Variants in KLHL18 observed in about 807,000 individuals in gnomAD.
The protein encoded by KLHL18 is kelch-like protein 18.
A neutral mutation model predicts 58.5 loss-of-function variants in KLHL18; 38 were observed. The ratio of observed to expected loss-of-function variants is 0.65; its 90% CI spans 0.50 to 0.85. The LOEUF (loss-of-function observed/expected upper bound fraction) is 0.85. Ranked by LOEUF, KLHL18 falls within the 40% of genes least tolerant of loss-of-function variation. The probability of loss-of-function intolerance (pLI) is 0.00; values close to 1 mark genes in which losing one functional copy is unlikely to be tolerated. For synonymous variants in KLHL18, 303 were observed against 301.9 expected, an observed-to-expected ratio of 1.00 and a Z score of -0.04; for missense variants, 624 against 778.4, an observed-to-expected ratio of 0.80 and a Z score of 2.36.
At chr3:47,293,310 A>T (rs958587390) in intron 1 of KLHL18, among the ~76,000 whole-genome samples, 15 of 152,228 alleles carry the variant, frequency 9.9e-5, no homozygotes, top group African/African-American at 3.4e-4. Context: ...TCAAAAGATA[A>T]TTAGCTCAAG....
At chr3:47,294,387 A>G (rs1055510806) in intron 1 of KLHL18, among the ~76,000 whole-genome samples, 1 of 152,198 alleles carries the variant, frequency 6.6e-6, no homozygotes, top group African/African-American at 2.4e-5. Context: ...GTGGAGTAGC[A>G]GACAATAAAC....
rs773944464 is a variant in KLHL18 at position 47,343,990 on chromosome 3, G to A, written c.*49G>A. On this transcript the variant is annotated 3_prime_UTR_variant, in exon 10 of 10. Coordinates refer to ENST00000232766, the MANE Select transcript of KLHL18 (RefSeq NM_025010.5). Reference sequence around the variant, plus strand: ...GCAGGGATCTGGTACAGACATAGGCGCTTCCTTCCAGGAACAGTCCCTCAG... The same window carrying A: ...GCAGGGATCTGGTACAGACATAGGCACTTCCTTCCAGGAACAGTCCCTCAG... 7.0e-5 allele frequency: 111 copies of A among 1,588,176 alleles called. No homozygotes were observed. The highest frequency in any genetic ancestry group is 5.8e-4 in the South Asian group (52 of 89,444).
At chr3:47,294,762 G>A (rs1702860610) in intron 1 of KLHL18, among the ~76,000 whole-genome samples, 1 of 152,184 alleles carries the variant, frequency 6.6e-6, no homozygotes, top group Admixed American at 6.5e-5. Flanking sequence ...TCAGGGCAGG[G>A]TGTTAGAGGT....
intron 2 of KLHL18, among the ~76,000 whole-genome samples, chr3:47,320,854 C>T (rs1290364488): frequency 1.6e-4 from 24 of 152,062 alleles, no homozygotes; most frequent in Admixed American, 1.5e-3. Context: ...TCAAGGCTGC[C>T]GCGAGCTGTG....
chr3:47,310,492 A>G (rs970607792), intron 1 of KLHL18, among the ~76,000 whole-genome samples: 2 of 152,096 alleles, frequency 1.3e-5, no homozygotes, highest in African/African-American at 4.8e-5. Flanking sequence ...CTCTCCCTGA[A>G]TGATCTTTTT....
intron 1 of KLHL18, among the ~76,000 whole-genome samples, chr3:47,302,507 T>C (rs1481103280): frequency 6.6e-6 from 1 of 151,914 alleles, no homozygotes; most frequent in Non-Finnish European, 1.5e-5. Context: ...AAAAGAAACA[T>C]AAGGAAGAGA....
chr3:47,329,923 A>ATTTT (rs758333312), intron 3 of KLHL18, 28 bp from the exon 4 acceptor site: 9 of 1,451,776 alleles, frequency 6.2e-6, no homozygotes, highest in South Asian at 2.4e-5. Context: ...TCTTCCTCTA[A>ATTTT]TTTTTTTTTT....
At position 47,307,108 on chromosome 3, in the gene KLHL18, G is replaced by A. The variant is rs555705200; in HGVS notation, c.130-12545G>A. ...TTTTTTCGAGATGGAGTCTTGCTCCGTCACCCAGGCTGGAGTGCAGTGGCA... is the reference window on the plus strand; with the variant it reads ...TTTTTTCGAGATGGAGTCTTGCTCCATCACCCAGGCTGGAGTGCAGTGGCA... On this transcript the variant is annotated intron_variant, in intron 1 of 9. Transcript: ENST00000232766. Among the ~76,000 whole-genome samples, 34 of 151,738 alleles carry A rather than the reference G, an allele frequency of 2.2e-4. No homozygotes were observed. In the South Asian group the frequency reaches 6.7e-3, roughly 30 times the overall value.
intron 1 of KLHL18, chr3:47,283,383 A>G: frequency 1.1e-5 from 5 of 467,044 alleles, no homozygotes; most frequent in Non-Finnish European, 1.5e-5. Context: ...TCATGCAGAC[A>G]AGAGAAAATG....
At position 47,336,424 on chromosome 3, in the gene KLHL18, G is replaced by A. The variant is rs143193043; in HGVS notation, c.899-111G>A. ...GCCCTTGTGCCTTGAGTAATTCTGT[G>A]GGAAGAGCTAATAGAATTGAGTCGA... On this transcript the variant is annotated intron_variant, in intron 6 of 9. Coordinates refer to ENST00000232766, the MANE Select transcript of KLHL18 (RefSeq NM_025010.5). 1.4e-4 allele frequency: 126 copies of A among 932,862 alleles called. No individual in the cohort carries two copies. In the African/African-American group the frequency reaches 1.8e-3, roughly 13 times the overall value. 57.8% of individuals were successfully genotyped at this position (932,862 alleles called of 1,614,324 possible). A position where few individuals can be genotyped will look rare whatever the true frequency, so the allele number is the denominator to read the frequency against.
chr3:47,325,342 C>G (rs1384960337), intron 3 of KLHL18, among the ~76,000 whole-genome samples: 1 of 152,056 alleles, frequency 6.6e-6, no homozygotes, highest in African/African-American at 2.4e-5. Context: ...GGACTACAGG[C>G]GCCTGCCACC....
intron 1 of KLHL18, among the ~76,000 whole-genome samples, chr3:47,309,094 C>G (rs1307328372): frequency 6.6e-6 from 1 of 152,228 alleles, no homozygotes; most frequent in South Asian, 2.1e-4. Flanking sequence ...GGGGTAAGCT[C>G]ATAGATCAAC....
In KLHL18 at chr3:47,336,682, G is replaced by A. The variant is rs1304695481; in HGVS notation, c.1046G>A (p.Arg349Gln). The A allele has an allele frequency of 1.9e-5, 30 of 1,614,088 alleles. No individual in the cohort carries two copies. The highest frequency in any genetic ancestry group is 3.3e-5 in the South Asian group (3 of 91,090). ...ATCGGAGGATATGACGGCCAGCTAC[G>A]GCTGAGCACTGTGGAGGCCTACAAC... ...YAIGGYDGQL[R>Q]LSTVEAYNPE... The change falls in exon 7 of 10, where the codon CGG becomes CAG. Residue 349 changes from arginine (R) to glutamine (Q), a missense_variant. By Grantham distance (43) the Arg-to-Gln change is conservative. Coordinates refer to ENST00000232766, the MANE Select transcript of KLHL18 (RefSeq NM_025010.5).
At chr3:47,290,657 T>C (rs1428158782) in intron 1 of KLHL18, among the ~76,000 whole-genome samples, 1 of 152,070 alleles carries the variant, frequency 6.6e-6, no homozygotes, top group Non-Finnish European at 1.5e-5. Context: ...AGATGGGGCC[T>C]CACCTTGTGG....
At chr3:47,338,251 C>G (rs945027404) in intron 7 of KLHL18, 7 of 152,230 alleles carry the variant, frequency 4.6e-5, no homozygotes, top group Non-Finnish European at 8.8e-5. Context: ...TCTTCACACT[C>G]GCCTTTACCA....
intron 1 of KLHL18, among the ~76,000 whole-genome samples, chr3:47,288,641 A>G (rs1245491645): frequency 6.6e-6 from 1 of 152,222 alleles, no homozygotes; most frequent in African/African-American, 2.4e-5. Context: ...TGAAATTTAA[A>G]TTCACTGGAA....
rs533902004 is a variant in KLHL18, at chr3:47,327,620, G to GC, written c.402-2330dup. Among the ~76,000 whole-genome samples the GC allele has an allele frequency of 2.3e-4, 35 of 152,354 alleles. No homozygotes were observed. In the East Asian group the frequency reaches 6.6e-3, roughly 29 times the overall value. ...GACTGAGCTGACATTCTGACCTTCA[G>GC]CGCTGTATTCCTCAGTGGCCATGAA... On this transcript the variant is annotated intron_variant, in intron 3 of 9. Transcript: ENST00000232766.
intron 2 of KLHL18, among the ~76,000 whole-genome samples, chr3:47,322,148 A>G (rs1189972336): frequency 6.6e-6 from 1 of 152,240 alleles, no homozygotes; most frequent in Non-Finnish European, 1.5e-5. Flanking sequence ...ATGCTTACCA[A>G]TAAAGGAAAT....
At chr3:47,333,439 A>C in intron 5 of KLHL18, 122 bp downstream of exon 5, 2 of 958,210 alleles carry the variant, frequency 2.1e-6, no homozygotes, top group Non-Finnish European at 3.0e-6. Flanking sequence ...CATGGCACAC[A>C]GATTGGTCTG....
Sources: allele counts gnomAD v4.1 joint callset (sites outside exome capture counted in the v4.1 genomes callset), GRCh38; gene constraint gnomAD v4.1.1; transcripts MANE v1.5; gene names NCBI Gene and HGNC (gene_info 2026-07-23, HGNC 2026-07-21).